AOX1: variants seen among roughly 807,000 people sequenced by gnomAD.
AOX1 encodes aldehyde oxidase 1, also known as aldehyde oxidase.
A neutral mutation model predicts 169.5 loss-of-function variants in AOX1; 153 were observed. That is an observed-to-expected ratio of 0.90 (90% CI 0.79 to 1.03). The LOEUF (loss-of-function observed/expected upper bound fraction) is 1.03. Among genes scored for constraint, AOX1 ranks in the 50% least tolerant of loss-of-function variants. The pLI, the probability that AOX1 is intolerant of heterozygous loss-of-function variation, is 0.00. For missense variants in AOX1, 1,656 were observed against 1,663.9 expected (o/e 1.00, Z 0.08); for synonymous variants, 562 against 581.9 (o/e 0.97, Z 0.49).
intron 26 of AOX1, 113 bp from the exon 27 acceptor site, chr2:200,656,729 T>TG (rs915532533): frequency 2.9e-6 from 2 of 685,538 alleles, no homozygotes; most frequent in Non-Finnish European, 4.4e-6. Flanking sequence ...TGCTCCACCC[T>TG]GGGGGGTGCG....
chr2:200,681,918 CT>C (rs2036156160), downstream of AOX1, among the ~76,000 whole-genome samples: 1 of 151,040 alleles, frequency 6.6e-6, no homozygotes, highest in African/African-American at 2.4e-5. Context: ...AAGCTGTGAC[CT>C]TTTGGGGTTT....
rs764562193 is a variant in AOX1, at chr2:200,642,592, A to G, written c.2656-18A>G. 1.7e-5 allele frequency: 27 copies of G among 1,612,164 alleles called. No homozygotes were observed. Among genetic ancestry groups the G allele is most frequent in the Non-Finnish European group, 2.2e-5 (26 of 1,178,624 alleles). On this transcript the variant is annotated intron_variant, in intron 24 of 34. Transcript: ENST00000374700. ...AGGTTCAGAAGATCTTAATCACATC[A>G]ACTCTGGATTTCTCCAGGTGATAGA...
rs941888079 is a variant in AOX1, at chr2:200,634,542, C to T, written c.2222-249C>T. Among the ~76,000 whole-genome samples the T allele has an allele frequency of 4.6e-5, 7 of 152,256 alleles. No homozygotes were observed. In the East Asian group the frequency reaches 1.4e-3, roughly 29 times the overall value. On this transcript the variant is annotated intron_variant, in intron 20 of 34. Transcript: ENST00000374700. ...TGAATCAAGACCCCTCTGCTTTTGG[C>T]TCTAGAAAGTCATACACCTTTCTCT...
Position 200,611,496 on chromosome 2 carries a change from G to A in AOX1, c.1263+3G>A. 6.3e-7 allele frequency: 1 copy of A among 1,583,090 alleles called. No individual in the cohort carries two copies. The highest frequency in any genetic ancestry group is 8.7e-7 in the Non-Finnish European group (1 of 1,151,866). ...TGAACATCCCCTACTCAAGGAAGGT[G>A]AGAACATCCCACTGTCAATTTCCCA... On this transcript the variant is annotated splice_donor_region_variant and intron_variant, in intron 13 of 34. Coordinates refer to ENST00000374700, the MANE Select transcript of AOX1 (RefSeq NM_001159.4).
In AOX1 at chr2:200,627,466, G is replaced by A; in HGVS notation, c.2221+17G>A. On this transcript the variant is annotated intron_variant, in intron 20 of 34. Coordinates refer to ENST00000374700, the MANE Select transcript of AOX1 (RefSeq NM_001159.4). The stretch of plus-strand genomic sequence containing the variant: ...TTCTTGAAGGTAAAAAGTAATGGAA[G>A]AGTAAACAACCCTGGAAGTCTTCTA... 1 of 1,556,012 alleles carries A rather than the reference G, an allele frequency of 6.4e-7. No homozygotes were observed. The highest frequency in any genetic ancestry group is 8.9e-7 in the Non-Finnish European group (1 of 1,127,512).
rs530782102 is a variant in AOX1, at chr2:200,663,545, A to AACACACACACAC, written c.3543+593_3543+604dup. 1.4e-3 allele frequency among the ~76,000 whole-genome samples: 161 copies of AACACACACACAC among 117,808 alleles called. 1 individual carries two copies. The highest frequency in any genetic ancestry group is 4.6e-3 in the African/African-American group (157 of 34,054). The allele number at this position is 117,808 out of a possible 152,430, so 77.3% of individuals were successfully genotyped here. ...GAAGAGATACACACACATACACACA[A>AACACACACACAC]ACACACACACACACACACACACACA... On this transcript the variant is annotated intron_variant, in intron 31 of 34. Transcript: ENST00000374700.
intron 18 of AOX1, among the ~76,000 whole-genome samples, chr2:200,622,720 A>C (rs532491787): frequency 6.6e-6 from 1 of 152,194 alleles, no homozygotes; most frequent in Non-Finnish European, 1.5e-5. Flanking sequence ...GGCCACATCT[A>C]TGTGCCAGGT....
intron 20 of AOX1, among the ~76,000 whole-genome samples, chr2:200,633,537 T>C (rs985359528): frequency 2.6e-5 from 4 of 152,108 alleles, no homozygotes; most frequent in African/African-American, 9.6e-5. Flanking sequence ...AATTCTAAAA[T>C]TTCTATTTCT....
At chr2:200,611,894 G>A (rs139908981) in intron 13 of AOX1, among the ~76,000 whole-genome samples, 3,388 of 151,850 alleles carry the variant, frequency 0.022, 125 homozygotes, top group African/African-American at 0.078. Flanking sequence ...TAGTAGAGAC[G>A]GGGTTTCGCC....
intron 16 of AOX1, among the ~76,000 whole-genome samples, chr2:200,617,597 C>CT (rs1052281919): frequency 1.3e-5 from 2 of 150,618 alleles, no homozygotes; most frequent in Non-Finnish European, 3.0e-5. Context: ...TTTCAAAAGA[C>CT]TTTTTTTCAA....
intron 25 of AOX1, among the ~76,000 whole-genome samples, chr2:200,646,864 A>G (rs1372641470): frequency 1.3e-5 from 2 of 152,114 alleles, no homozygotes; most frequent in African/African-American, 4.8e-5. Flanking sequence ...TGTCTGATTT[A>G]TATCAGACAG....
rs3038607 is a variant in AOX1 at position 200,605,510 on chromosome 2, ATTT to A, written c.815-13_815-11del. 267,256 of 1,201,348 alleles carry A rather than the reference ATTT, an allele frequency of 0.22. 16,608 individuals are homozygous for A. Among genetic ancestry groups the A allele is most frequent in the Middle Eastern group, 0.26 (1,107 of 4,280 alleles). 74.4% of individuals were successfully genotyped at this position (1,201,348 alleles called of 1,614,324 possible). A position where few individuals can be genotyped will look rare whatever the true frequency, so the allele number is the denominator to read the frequency against. On this transcript the variant is annotated intron_variant, in intron 9 of 34. Transcript: ENST00000374700. ...TAGTTCCTTTATTCTAGTCTTATTG[ATTT>A]TTTTTTTTTTTTGATCCTTTAGGGC...
At chr2:200,618,266 GT>G (rs2034809540) in intron 16 of AOX1, among the ~76,000 whole-genome samples, 1 of 152,014 alleles carries the variant, frequency 6.6e-6, no homozygotes, top group Non-Finnish European at 1.5e-5. Flanking sequence ...TCAATACTCC[GT>G]TTTTTGTTCA....
At chr2:200,663,902 A>G (rs1253328889) in intron 31 of AOX1, among the ~76,000 whole-genome samples, 1 of 152,148 alleles carries the variant, frequency 6.6e-6, no homozygotes, top group East Asian at 1.9e-4. Flanking sequence ...TCCAGCATGT[A>G]TTTTTTAAAA....
chr2:200,610,064 C>A (rs531839832), intron 12 of AOX1, among the ~76,000 whole-genome samples: 1 of 143,294 alleles, frequency 7.0e-6, no homozygotes, highest in African/African-American at 2.6e-5. Context: ...ACCATTTAAA[C>A]CATAAAACTA....
At chr2:200,660,760 G>A (rs1482855446) in intron 29 of AOX1, among the ~76,000 whole-genome samples, 1 of 152,200 alleles carries the variant, frequency 6.6e-6, no homozygotes, top group Non-Finnish European at 1.5e-5. Flanking sequence ...AATAACATTT[G>A]AGGATCCCAC....
chr2:200,625,202 G>A (rs1296288338), intron 19 of AOX1, among the ~76,000 whole-genome samples: 2 of 152,026 alleles, frequency 1.3e-5, no homozygotes, highest in Non-Finnish European at 2.9e-5. Context: ...CCCTTCTCAG[G>A]CCCTTTTCAT....
At chr2:200,590,040 G>A (rs998365983) in intron 1 of AOX1, among the ~76,000 whole-genome samples, 2 of 152,160 alleles carry the variant, frequency 1.3e-5, no homozygotes, top group Admixed American at 6.5e-5. Context: ...TGAGGCTGCT[G>A]TAGATTATTG....
At chr2:200,635,172 T>C (rs942979982) in intron 21 of AOX1, among the ~76,000 whole-genome samples, 1 of 152,144 alleles carries the variant, frequency 6.6e-6, no homozygotes, top group African/African-American at 2.4e-5. Context: ...GAAGAAATAT[T>C]GAGTATTAAT....
Sources: gnomAD v4.1 joint callset for allele counts (sites outside exome capture counted in the v4.1 genomes callset) on GRCh38, gnomAD v4.1.1 for gene constraint, MANE v1.5 for transcripts, NCBI Gene and HGNC (gene_info 2026-07-23, HGNC 2026-07-21) for gene names.